The following KALRN variants were observed in gnomAD, a reference collection of about 807,000 sequenced individuals.
KALRN encodes kalirin RhoGEF kinase.
KALRN carries 70 observed loss-of-function variants against 353.7 expected under a neutral mutation model. The ratio of observed to expected loss-of-function variants is 0.20; its 90% confidence interval spans 0.16 to 0.24. The LOEUF is 0.24. Among genes scored for constraint, KALRN ranks in the 10% least tolerant of loss-of-function variants. KALRN has a pLI of 1.00. For missense variants in KALRN, 2,791 were observed against 3,756.7 expected, an observed-to-expected ratio of 0.74 and a Z score of 6.72; for synonymous variants, 1,391 against 1,434.8, an observed-to-expected ratio of 0.97 and a Z score of 0.69.
At chr3:124,241,330 T>C (rs1451372110) in intron 3 of KALRN, among the ~76,000 whole-genome samples, 1 of 152,226 alleles carries the variant, frequency 6.6e-6, no homozygotes, top group South Asian at 2.1e-4. Flanking sequence ...TTCTGAACTA[T>C]TGTGATGTGC....
intron 34 of KALRN, among the ~76,000 whole-genome samples, chr3:124,585,979 A>C (rs1385567881): frequency 6.6e-6 from 1 of 152,184 alleles, no homozygotes. Flanking sequence ...AGCCCTGAGA[A>C]ATTTTCTATC....
chr3:124,206,866 G>T (rs551988117), intron 1 of KALRN, among the ~76,000 whole-genome samples: 1 of 152,102 alleles, frequency 6.6e-6, no homozygotes, highest in South Asian at 2.1e-4. Flanking sequence ...ACTTATTATT[G>T]TCTAAAATGC....
chr3:124,227,671 T>G (rs886431582), intron 1 of KALRN, among the ~76,000 whole-genome samples: 3 of 20,446 alleles, frequency 1.5e-4, no homozygotes, highest in South Asian at 1.5e-3. Flanking sequence ...CTGTTTTTTT[T>G]TTTTTTTTTT....
intron 1 of KALRN, among the ~76,000 whole-genome samples, chr3:124,043,631 A>T (rs2040162560): frequency 6.6e-6 from 1 of 152,098 alleles, no homozygotes; most frequent in South Asian, 2.1e-4. Flanking sequence ...AGACTCAGAG[A>T]CTAGTGGTGC....
intron 33 of KALRN, among the ~76,000 whole-genome samples, chr3:124,504,070 C>T (rs1303512650): frequency 6.6e-6 from 1 of 152,156 alleles, no homozygotes; most frequent in African/African-American, 2.4e-5. Context: ...TCTCGTGGTA[C>T]TCAGAGCACT....
intron 11 of KALRN, among the ~76,000 whole-genome samples, chr3:124,394,315 C>T (rs2089884752): frequency 6.6e-6 from 1 of 152,190 alleles, no homozygotes; most frequent in South Asian, 2.1e-4. Flanking sequence ...TCATCTTCCC[C>T]TCTCTCATTT....
At chr3:124,617,898 AT>A (rs1272761382) in intron 34 of KALRN, among the ~76,000 whole-genome samples, 2 of 152,126 alleles carry the variant, frequency 1.3e-5, no homozygotes, top group African/African-American at 4.8e-5. Flanking sequence ...ATTAGATACT[AT>A]TGATGAAGTT....
At position 124,488,304 on chromosome 3, in the gene KALRN, G is replaced by A. The variant is rs1262030959; in HGVS notation, c.4385G>A (p.Ser1462Asn). 1.2e-6 allele frequency: 2 copies of A among 1,609,998 alleles called. No individual in the cohort carries two copies. The highest frequency in any genetic ancestry group is 2.2e-5 in the South Asian group (2 of 90,966). Residue 1462 changes from serine to asparagine, a missense_variant, in exon 29 of 60, where the codon AGC becomes AAC. Ser to Asn is a conservative substitution (Grantham distance 46, BLOSUM62 1). Coordinates refer to ENST00000682506, the MANE Select transcript of KALRN (RefSeq NM_001388419.1). ...PKKANDAMHV[S>N]MLEGFDENLD... is the part of the protein sequence containing the mutation. ...AAAGCCAATGATGCCATGCATGTCAGCATGCTGGAAGGTAGCTGTCCTCCC... is the reference window on the plus strand; with the variant it reads ...AAAGCCAATGATGCCATGCATGTCAACATGCTGGAAGGTAGCTGTCCTCCC...
intron 1 of KALRN, chr3:124,163,751 T>G: frequency 1.0e-6 from 1 of 985,444 alleles, no homozygotes; most frequent in Non-Finnish European, 1.2e-6. Flanking sequence ...AGGCTTGCTC[T>G]GAGCCAACTT....
At chr3:124,409,293 C>T (rs2091919207) in intron 13 of KALRN, among the ~76,000 whole-genome samples, 1 of 152,070 alleles carries the variant, frequency 6.6e-6, no homozygotes, top group South Asian at 2.1e-4. Flanking sequence ...GGCTTCAGGC[C>T]CTAGTTTCTA....
rs570213830 is a variant in KALRN, at chr3:124,116,341, AT to A, written c.73+82536del. 3.8e-4 allele frequency among the ~76,000 whole-genome samples: 58 copies of A among 152,056 alleles called. 2 individuals are homozygous for A. The highest frequency in any genetic ancestry group is 3.1e-3 in the Admixed American group (48 of 15,264). ...ATAATGGTTGTATTATCACTAAGTA[AT>A]TTTTTTTATATTGATTAAGTACTTC... On this transcript the variant is annotated intron_variant, in intron 1 of 59. Coordinates refer to ENST00000682506, the MANE Select transcript of KALRN (RefSeq NM_001388419.1).
intron 1 of KALRN, among the ~76,000 whole-genome samples, chr3:124,093,177 C>T (rs1337492228): frequency 6.6e-6 from 1 of 152,178 alleles, no homozygotes; most frequent in African/African-American, 2.4e-5. Context: ...GGACGTGCCT[C>T]CTCCCCAGTC....
chr3:124,391,431 A>G (rs1371252616), intron 11 of KALRN, among the ~76,000 whole-genome samples: 3 of 152,182 alleles, frequency 2.0e-5, no homozygotes, highest in African/African-American at 7.2e-5. Context: ...GATTTTACCT[A>G]ATTAGTTCCA....
intron 1 of KALRN, among the ~76,000 whole-genome samples, chr3:124,044,862 CTT>C: frequency 9.8e-5 from 2 of 20,478 alleles, no homozygotes; most frequent in African/African-American, 2.2e-4. Context: ...TCCCTCCCTC[CTT>C]CCTTCCTTCC....
chr3:124,211,751 G>A (rs1193696339), intron 1 of KALRN, among the ~76,000 whole-genome samples: 1 of 152,126 alleles, frequency 6.6e-6, no homozygotes, highest in Non-Finnish European at 1.5e-5. Flanking sequence ...AGTGCTTCTC[G>A]GGGCTCTCTT....
chr3:124,482,723 C>A, intron 27 of KALRN, 85 bp from the exon 28 acceptor site: 1 of 883,538 alleles, frequency 1.1e-6, no homozygotes. Flanking sequence ...TTCCTCTCTT[C>A]TGACCCCTGC....
chr3:124,224,158 T>TA (rs1054948973), intron 1 of KALRN, among the ~76,000 whole-genome samples: 3 of 149,362 alleles, frequency 2.0e-5, no homozygotes, highest in African/African-American at 7.4e-5. Context: ...CTGATTTTGT[T>TA]TTTTTTTTTT....
intron 33 of KALRN, among the ~76,000 whole-genome samples, chr3:124,548,709 A>C (rs1468547817): frequency 6.6e-6 from 1 of 152,268 alleles, no homozygotes; most frequent in Non-Finnish European, 1.5e-5. Context: ...GCTGGAGAGC[A>C]ATGGTGCAAT....
chr3:124,089,652 T>C (rs1286917129), intron 1 of KALRN, among the ~76,000 whole-genome samples: 1 of 151,948 alleles, frequency 6.6e-6, no homozygotes, highest in African/African-American at 2.4e-5. Context: ...TTTTTTTTTT[T>C]CAGGAAGAAT....
Sources: gnomAD v4.1 joint callset for allele counts (sites outside exome capture counted in the v4.1 genomes callset) on GRCh38, gnomAD v4.1.1 for gene constraint, MANE v1.5 for transcripts, NCBI Gene and HGNC (gene_info 2026-07-23, HGNC 2026-07-21) for gene names.